VPS13A: variants seen among roughly 807,000 people sequenced by gnomAD.
VPS13A encodes the protein vacuolar protein sorting 13 homolog A.
VPS13A carries 264 observed loss-of-function variants against 390.9 expected under a neutral mutation model. The observed-to-expected ratio is 0.68, with a 90% CI of 0.61 to 0.75. The LOEUF (loss-of-function observed/expected upper bound fraction) is 0.75. Among genes scored for constraint, VPS13A ranks in the 30% least tolerant of loss-of-function variants. The probability of loss-of-function intolerance (pLI) is 0.00; values close to 1 mark genes in which losing one functional copy is unlikely to be tolerated. For synonymous variants in VPS13A, 1,231 were observed against 1,227.1 expected, an observed-to-expected ratio of 1.00 and a Z score of -0.07; for missense variants, 3,409 against 3,733.9, an observed-to-expected ratio of 0.91 and a Z score of 2.27.
intron 17 of VPS13A, among the ~76,000 whole-genome samples, chr9:77,229,325 C>T (rs1461064979): frequency 7.2e-5 from 11 of 152,136 alleles, no homozygotes; most frequent in Admixed American, 7.2e-4. Flanking sequence ...AAGCAGTTCG[C>T]CAGCCTCAGC....
intron 1 of VPS13A, chr9:77,178,266 C>G (rs2297426): frequency 5.4e-4 from 86 of 160,418 alleles, no homozygotes; most frequent in Non-Finnish European, 2.3e-4. Context: ...CATGCTGCCT[C>G]GCACGTGAAG....
rs754242230 is a variant in VPS13A, at chr9:77,370,223, C to T, written c.8668-34C>T. On this transcript the variant is annotated intron_variant, in intron 63 of 71. Transcript: ENST00000360280. ...CTCATCTTTAAAAGTGAATATAACT[C>T]ACTCACTCATTTATTTACTATTTGG... 50 of 1,598,830 alleles carry T rather than the reference C, an allele frequency of 3.1e-5. No individual in the cohort carries two copies. In the East Asian group the frequency reaches 1.0e-3, roughly 33 times the overall value.
At position 77,351,387 on chromosome 9, in the gene VPS13A, G is replaced by A; in HGVS notation, c.7360G>A (p.Gly2454Ser). 2.5e-6 allele frequency: 4 copies of A among 1,613,962 alleles called. No individual in the cohort carries two copies. Among genetic ancestry groups the A allele is most frequent in the South Asian group, 1.1e-5 (1 of 91,084 alleles). Reference protein sequence around the residue: ...AVFYTWADPVGSRRLKWRCRK... With the variant: ...AVFYTWADPVSSRRLKWRCRK... ...GTTTTATACATGGGCTGATCCGGTG[G>A]GCTCTAGAAGGCTGAAGTGGAGATG... Residue 2454 changes from glycine (G) to serine (S), a missense_variant, in exon 53 of 72, where the codon GGC becomes AGC. Physicochemically the swap from Gly to Ser is moderately conservative, Grantham distance 56. Around this residue, in one of 5 missense-constraint regions of VPS13A, gnomAD observed 2,717 missense variants for 2,917.4 expected, o/e 0.93. Coordinates refer to ENST00000360280, the MANE Select transcript of VPS13A (RefSeq NM_033305.3).
intron 68 of VPS13A, among the ~76,000 whole-genome samples, chr9:77,384,359 T>C (rs1024531945): frequency 4.6e-5 from 7 of 151,864 alleles, no homozygotes; most frequent in Non-Finnish European, 7.4e-5. Flanking sequence ...CTTATTGATA[T>C]CATCAAACCA....
In VPS13A at chr9:77,237,544, T is replaced by C. The variant is rs373682384; in HGVS notation, c.1596-458T>C. ...CACACCTGGCTAACTTTTGTATTTT[T>C]AGTTGAGACAGGGTTTCACCACGTT... is the stretch of plus-strand genomic sequence containing the variant. On this transcript the variant is annotated intron_variant, in intron 17 of 71. Transcript: ENST00000360280. Among the ~76,000 whole-genome samples the C allele has an allele frequency of 3.6e-4, 55 of 152,184 alleles. 2 individuals carry two copies. The East Asian group carries it at 5.2e-3, about 15-fold the overall frequency.
chr9:77,307,845 GA>G, intron 34 of VPS13A, 99 bp from the exon 35 acceptor site: 1 of 970,972 alleles, frequency 1.0e-6, no homozygotes, highest in Non-Finnish European at 1.6e-6. Flanking sequence ...GTAGAGGATT[GA>G]AACAGTCTTT....
intron 68 of VPS13A, among the ~76,000 whole-genome samples, chr9:77,392,169 C>T (rs1833922242): frequency 6.6e-6 from 1 of 152,176 alleles, no homozygotes; most frequent in Non-Finnish European, 1.5e-5. Flanking sequence ...TATGACCCAT[C>T]TTCCACAGAG....
chr9:77,343,761 T>C (rs1365036102), intron 50 of VPS13A, among the ~76,000 whole-genome samples: 2 of 152,240 alleles, frequency 1.3e-5, no homozygotes, highest in Non-Finnish European at 2.9e-5. Context: ...TTCCAGATAA[T>C]GTTCATACCT....
chr9:77,300,293 A>G (rs1316426529), intron 33 of VPS13A, among the ~76,000 whole-genome samples: 1 of 152,194 alleles, frequency 6.6e-6, no homozygotes, highest in Non-Finnish European at 1.5e-5. Flanking sequence ...GATGATTGAT[A>G]TCTTTATTAC....
intron 1 of VPS13A, among the ~76,000 whole-genome samples, chr9:77,190,035 C>T (rs7849026): frequency 0.015 from 2,252 of 152,182 alleles, 55 homozygotes; most frequent in African/African-American, 0.052. Flanking sequence ...AGAATCATAC[C>T]GTCTGCAAAC....
chr9:77,276,887 A>G (rs1006261402), intron 26 of VPS13A, among the ~76,000 whole-genome samples: 4 of 152,190 alleles, frequency 2.6e-5, no homozygotes, highest in Non-Finnish European at 5.9e-5. Context: ...ACACACCTCT[A>G]TAATTCAGGA....
intron 32 of VPS13A, 102 bp from the exon 33 acceptor site, chr9:77,295,440 A>G: frequency 9.5e-7 from 1 of 1,055,132 alleles, no homozygotes; most frequent in Non-Finnish European, 1.3e-6. Context: ...TGTATCAAGT[A>G]AAAGTTTTTT....
At chr9:77,198,948 C>T (rs1825166131) in intron 1 of VPS13A, among the ~76,000 whole-genome samples, 1 of 152,180 alleles carries the variant, frequency 6.6e-6, no homozygotes, top group South Asian at 2.1e-4. Flanking sequence ...CAGGCGTGAA[C>T]CACCGCTCCC....
At chr9:77,395,324 G>A (rs1011309225) in intron 68 of VPS13A, among the ~76,000 whole-genome samples, 9 of 152,206 alleles carry the variant, frequency 5.9e-5, no homozygotes, top group Admixed American at 3.3e-4. Context: ...TTTGGGAAAC[G>A]TCCAATCAGT....
intron 22 of VPS13A, among the ~76,000 whole-genome samples, chr9:77,253,550 C>G (rs984774393): frequency 1.3e-5 from 2 of 152,136 alleles, no homozygotes; most frequent in African/African-American, 4.8e-5. Context: ...TGTGATCCAC[C>G]CGCCTCAGCC....
chr9:77,337,118 T>C, intron 46 of VPS13A, 137 bp from the exon 47 acceptor site: 5 of 975,088 alleles, frequency 5.1e-6, no homozygotes, highest in South Asian at 1.7e-5. Context: ...ACTTATATCG[T>C]AAAAAGTATA....
At chr9:77,363,963 T>C (rs1386506605) in intron 59 of VPS13A, among the ~76,000 whole-genome samples, 2 of 152,140 alleles carry the variant, frequency 1.3e-5, no homozygotes, top group Non-Finnish European at 2.9e-5. Flanking sequence ...AGCTGAGCAC[T>C]ATGTGTGGTG....
intron 68 of VPS13A, among the ~76,000 whole-genome samples, chr9:77,385,589 T>A (rs984314950): frequency 2.0e-5 from 3 of 151,982 alleles, no homozygotes; most frequent in Non-Finnish European, 4.4e-5. Context: ...TAAAGGTTTT[T>A]AAAAAAATTT....
intron 42 of VPS13A, among the ~76,000 whole-genome samples, chr9:77,320,929 C>T (rs1332247193): frequency 6.6e-6 from 1 of 151,806 alleles, no homozygotes; most frequent in Non-Finnish European, 1.5e-5. Flanking sequence ...TTTATTTTTC[C>T]TTCTAAATTG....
Sources: gnomAD v4.1 joint callset for allele counts (sites outside exome capture counted in the v4.1 genomes callset) on GRCh38, gnomAD v4.1.1 for gene constraint, gnomAD v4.1.1 regional missense constraint, MANE v1.5 for transcripts, NCBI Gene and HGNC (gene_info 2026-07-23, HGNC 2026-07-21) for gene names.